Variants in FOXJ3 observed in about 807,000 individuals in gnomAD.
The protein encoded by FOXJ3 is forkhead box J3, also known as forkhead box protein J3.
A neutral mutation model predicts 76.1 loss-of-function variants in FOXJ3; 22 were observed. That is an observed-to-expected ratio of 0.29 (90% CI 0.21 to 0.41). The LOEUF is 0.41. FOXJ3 is among the 10% of genes least tolerant of loss of function. The pLI is 1.00. For synonymous variants in FOXJ3, 269 were observed against 261.2 expected, an observed-to-expected ratio of 1.03 and a Z score of -0.29; for missense variants, 613 against 762.1, an observed-to-expected ratio of 0.80 and a Z score of 2.30.
intron 3 of FOXJ3, among the ~76,000 whole-genome samples, chr1:42,267,908 T>TA (rs1314579787): frequency 6.6e-6 from 1 of 150,758 alleles, no homozygotes; most frequent in Non-Finnish European, 1.5e-5. Flanking sequence ...GAGGGTAGAG[T>TA]AACAGAAATT....
At chr1:42,318,883 C>G (rs184629375) in intron 1 of FOXJ3, among the ~76,000 whole-genome samples, 45 of 152,246 alleles carry the variant, frequency 3.0e-4, no homozygotes, top group African/African-American at 1.1e-3. Context: ...AACATACATC[C>G]ACAGACAAAT....
chr1:42,222,062 A>G (rs1480930346), intron 5 of FOXJ3, among the ~76,000 whole-genome samples: 1 of 127,282 alleles, frequency 7.9e-6, no homozygotes, highest in Non-Finnish European at 1.7e-5. Flanking sequence ...AAGAAGAAGA[A>G]GAAGAAGAAG....
intron 5 of FOXJ3, among the ~76,000 whole-genome samples, chr1:42,216,576 T>G (rs1039486005): frequency 1.3e-5 from 2 of 152,058 alleles, no homozygotes; most frequent in Non-Finnish European, 2.9e-5. Flanking sequence ...ATAAATTATT[T>G]AAGGCAAAAG....
intron 5 of FOXJ3, among the ~76,000 whole-genome samples, chr1:42,223,769 G>C (rs1299303737): frequency 6.6e-6 from 1 of 152,150 alleles, no homozygotes; most frequent in East Asian, 1.9e-4. Flanking sequence ...TTTAAATCAA[G>C]GATGATGAGC....
At chr1:42,191,763 T>C (rs1557624230) in intron 8 of FOXJ3, 44 bp from the exon 9 acceptor site, 1 of 1,580,358 alleles carries the variant, frequency 6.3e-7, no homozygotes, top group Non-Finnish European at 8.6e-7. Flanking sequence ...TTCAGTTGTA[T>C]TTTATGACAA....
chr1:42,220,669 G>A (rs957889060), intron 5 of FOXJ3, among the ~76,000 whole-genome samples: 3 of 152,186 alleles, frequency 2.0e-5, no homozygotes, highest in Non-Finnish European at 4.4e-5. Context: ...CATCCCACTC[G>A]TTGGCCTGCA....
At position 42,300,635 on chromosome 1, in the gene FOXJ3, G is replaced by A. The variant is rs537459671; in HGVS notation, c.44+10415C>T. 1.1e-4 allele frequency among the ~76,000 whole-genome samples: 17 copies of A among 152,118 alleles called. No individual in the cohort carries two copies. The South Asian group carries it at 2.5e-3, about 22-fold the overall frequency. ...TACAAAAAACACAAGAAAATTAGCC[G>A]GGCATGGTGGCATGTGCTTGTAGTC... On this transcript the variant is annotated intron_variant, in intron 2 of 12. Coordinates refer to ENST00000361346, the MANE Select transcript of FOXJ3 (RefSeq NM_014947.5).
intron 5 of FOXJ3, among the ~76,000 whole-genome samples, chr1:42,209,477 A>G (rs1646924600): frequency 6.6e-6 from 1 of 152,220 alleles, no homozygotes; most frequent in Non-Finnish European, 1.5e-5. Flanking sequence ...AGCAGCCTAC[A>G]CCATGAAACA....
At chr1:42,316,333 C>CGTTTTTTTT (rs1322633444) in intron 1 of FOXJ3, among the ~76,000 whole-genome samples, 4 of 73,914 alleles carry the variant, frequency 5.4e-5, no homozygotes, top group African/African-American at 1.3e-4. Context: ...TGCATTGGGC[C>CGTTTTTTTT]TTTTTTTTTT....
chr1:42,183,905 A>G (rs946241060), intron 11 of FOXJ3, among the ~76,000 whole-genome samples: 9 of 152,132 alleles, frequency 5.9e-5, no homozygotes, highest in African/African-American at 2.2e-4. Flanking sequence ...CCAGAATTCA[A>G]GACTTCTGAC....
intron 6 of FOXJ3, 94 bp downstream of exon 6, chr1:42,205,668 A>G: frequency 1.3e-6 from 1 of 747,356 alleles, no homozygotes; most frequent in Admixed American, 2.4e-5. Context: ...TATAATCTTT[A>G]AACTGAACCA....
intron 1 of FOXJ3, among the ~76,000 whole-genome samples, chr1:42,331,254 C>T (rs1656144403): frequency 1.3e-5 from 2 of 152,032 alleles, no homozygotes; most frequent in African/African-American, 4.8e-5. Flanking sequence ...TGGTGGTGCA[C>T]GCCTGTAATC....
chr1:42,288,409 T>A (rs1653200212), intron 2 of FOXJ3, among the ~76,000 whole-genome samples: 1 of 152,216 alleles, frequency 6.6e-6, no homozygotes, highest in Non-Finnish European at 1.5e-5. Context: ...CTACTTCAGC[T>A]CACCAGCCAA....
intron 1 of FOXJ3, among the ~76,000 whole-genome samples, chr1:42,311,863 C>T (rs935476648): frequency 2.0e-5 from 3 of 152,158 alleles, no homozygotes; most frequent in Admixed American, 2.0e-4. Flanking sequence ...AAACTGCAAG[C>T]TTGTTGTTAG....
chr1:42,248,754 T>A (rs1306316801), intron 4 of FOXJ3, among the ~76,000 whole-genome samples: 1 of 144,920 alleles, frequency 6.9e-6, no homozygotes, highest in African/African-American at 2.6e-5. Flanking sequence ...TTTTTTTTTT[T>A]TTAAGTTCCA....
intron 1 of FOXJ3, among the ~76,000 whole-genome samples, chr1:42,329,306 C>T (rs1656020516): frequency 6.6e-6 from 1 of 152,198 alleles, no homozygotes; most frequent in African/African-American, 2.4e-5. Flanking sequence ...AATCAAAAAT[C>T]CTGTACAGCA....
chr1:42,243,356 A>G (rs1649300372), intron 4 of FOXJ3, among the ~76,000 whole-genome samples: 1 of 152,246 alleles, frequency 6.6e-6, no homozygotes, highest in African/African-American at 2.4e-5. Context: ...AAAGGAAAGC[A>G]AGATATAAAA....
intron 3 of FOXJ3, among the ~76,000 whole-genome samples, chr1:42,272,186 C>T (rs1002212168): frequency 6.6e-6 from 1 of 152,188 alleles, no homozygotes; most frequent in African/African-American, 2.4e-5. Context: ...ACTTTAAGGT[C>T]TTTCTCCAAA....
chr1:42,188,814 T>G lies in FOXJ3; in HGVS notation c.1568A>C (p.His523Pro). ...ATTTTGTTGAACATTACTCTGTGAA[T>G]GTATAAGGCCAGTTTGTGTAAAGAA... The part of the protein sequence containing the change: ...NQFFTQTGLI[H>P]SQSNVQQNVC... Residue 523 changes from histidine to proline, a missense_variant, in exon 11 of 13, where the codon CAT becomes CCT. This residue lies in a region of FOXJ3 where 526 missense variants were observed against 601.4 expected (regional missense o/e 0.87). Transcript: ENST00000361346. 1 of 1,613,246 alleles carries G rather than the reference T, an allele frequency of 6.2e-7. No homozygotes were observed. The highest frequency in any genetic ancestry group is 1.3e-5 in the African/African-American group (1 of 75,030).
Sources: gnomAD v4.1 joint callset for allele counts (sites outside exome capture counted in the v4.1 genomes callset) on GRCh38, gnomAD v4.1.1 for gene constraint, gnomAD v4.1.1 regional missense constraint, MANE v1.5 for transcripts, NCBI Gene and HGNC (gene_info 2026-07-23, HGNC 2026-07-21) for gene names.